SERINC5: variants seen among roughly 807,000 people sequenced by gnomAD.
The protein encoded by SERINC5 is chromosome 5 open reading frame 12.
SERINC5 carries 41 observed loss-of-function variants against 63.1 expected under a neutral mutation model. That is an observed-to-expected ratio of 0.65 (90% CI 0.51 to 0.84). The LOEUF (loss-of-function observed/expected upper bound fraction) is 0.84. Among genes scored for constraint, SERINC5 ranks in the 40% least tolerant of loss-of-function variants. The probability of loss-of-function intolerance (pLI) is 0.00; values close to 1 mark genes in which losing one functional copy is unlikely to be tolerated. For missense variants in SERINC5, 523 were observed against 573.0 expected (o/e 0.91, Z 0.89); for synonymous variants, 222 against 215.2 (o/e 1.03, Z -0.28).
chr5:80,201,302 G>T (rs374189731), intron 2 of SERINC5, among the ~76,000 whole-genome samples: 1 of 152,206 alleles, frequency 6.6e-6, no homozygotes, highest in Non-Finnish European at 1.5e-5. Context: ...TGGTCGGTTT[G>T]TAAGGGGAAA....
At chr5:80,206,432 C>T (rs777296572) in intron 1 of SERINC5, among the ~76,000 whole-genome samples, 5 of 152,176 alleles carry the variant, frequency 3.3e-5, no homozygotes, top group Non-Finnish European at 7.3e-5. Context: ...TCATTCTCTA[C>T]TGTTTCATCA....
rs574683641 is a variant in SERINC5 at position 80,249,182 on chromosome 5, A to G, written c.27+6714T>C. ...ACAAAAAAATTAGCCGGGCGTGGTG[A>G]TGGGTGCCTGTAGTCCCAGCTACTC... is the stretch of plus-strand genomic sequence containing the variant. On this transcript the variant is annotated intron_variant, in intron 1 of 11. Coordinates refer to ENST00000507668, the MANE Select transcript of SERINC5 (RefSeq NM_001174072.3). 3.9e-5 allele frequency among the ~76,000 whole-genome samples: 6 copies of G among 152,112 alleles called. No individual in the cohort carries two copies. In the South Asian group the frequency reaches 6.2e-4, roughly 16 times the overall value.
rs560790026 is a variant in SERINC5 at position 80,142,217 on chromosome 5, G to A, written c.*1446C>T. Reference sequence around the variant, plus strand: ...CTGAATACATCAACACTGAAAATAGGCATCATCTTGGGTAGCTGCCGAAAG... The same window carrying A: ...CTGAATACATCAACACTGAAAATAGACATCATCTTGGGTAGCTGCCGAAAG... On this transcript the variant is annotated 3_prime_UTR_variant, in exon 12 of 12. Transcript: ENST00000507668. 2 of 984,750 alleles carry A rather than the reference G, an allele frequency of 2.0e-6. No individual in the cohort carries two copies. Among genetic ancestry groups the A allele is most frequent in the South Asian group, 9.4e-5 (2 of 21,220 alleles). The allele number at this position is 984,750 out of a possible 1,614,324, so 61.0% of individuals were successfully genotyped here.
chr5:80,173,942 G>A (rs1434754926), intron 5 of SERINC5, among the ~76,000 whole-genome samples: 1 of 151,914 alleles, frequency 6.6e-6, no homozygotes, highest in East Asian at 1.9e-4. Context: ...ATAGAGAATT[G>A]ACACTGTAAA....
chr5:80,230,552 A>G (rs1561443316), intron 1 of SERINC5, among the ~76,000 whole-genome samples: 1 of 106,888 alleles, frequency 9.4e-6, no homozygotes, highest in Non-Finnish European at 2.3e-5. Context: ...TGTAAAACAA[A>G]TAATAATGCA....
At chr5:80,160,468 A>G (rs1746809680) in intron 7 of SERINC5, among the ~76,000 whole-genome samples, 1 of 152,222 alleles carries the variant, frequency 6.6e-6, no homozygotes, top group Non-Finnish European at 1.5e-5. Flanking sequence ...ACAAACGTGC[A>G]TATTTCAAGT....
rs2112278381 is a variant in SERINC5 at position 80,139,578 on chromosome 5, G to C, written c.*4085C>G. ...TCAAAATGACTGCCTCTGTGAAAGA[G>C]TTGTTGAGAAAGAAGAAAAGAGAGA... On this transcript the variant is annotated 3_prime_UTR_variant, in exon 12 of 12. Transcript: ENST00000507668. The C allele has an allele frequency of 1.1e-6, 1 of 911,902 alleles. No individual in the cohort carries two copies. The highest frequency in any genetic ancestry group is 1.3e-6 in the Non-Finnish European group (1 of 770,642). The allele number at this position is 911,902 out of a possible 1,614,324, so 56.5% of individuals were successfully genotyped here. A position where few individuals can be genotyped will look rare whatever the true frequency, so the allele number is the denominator to read the frequency against.
At chr5:80,224,151 A>AG (rs1446629538) in intron 1 of SERINC5, among the ~76,000 whole-genome samples, 13 of 143,986 alleles carry the variant, frequency 9.0e-5, no homozygotes, top group African/African-American at 3.3e-4. Context: ...AAAAAAAAAG[A>AG]AAAAAGAAAA....
At chr5:80,238,782 T>TCA (rs1277113537) in intron 1 of SERINC5, among the ~76,000 whole-genome samples, 4 of 112,320 alleles carry the variant, frequency 3.6e-5, no homozygotes, top group African/African-American at 1.5e-4. Flanking sequence ...GAGCAAGACT[T>TCA]CATCTCAAAA....
At chr5:80,200,450 C>A (rs867453663) in intron 2 of SERINC5, among the ~76,000 whole-genome samples, 2 of 150,966 alleles carry the variant, frequency 1.3e-5, no homozygotes, top group Admixed American at 1.3e-4. Context: ...CGCACCACTG[C>A]GCTCCAGCCT....
chr5:80,141,796 T>TA lies in SERINC5; in HGVS notation c.*1866dup. On this transcript the variant is annotated 3_prime_UTR_variant, in exon 12 of 12. Transcript: ENST00000507668. Reference sequence around the variant, plus strand: ...ACTGCTGAGTACAGAGCTCCTGCCCTAAAAAAGGAAATTTAATGGAATTTA... The same window carrying TA: ...ACTGCTGAGTACAGAGCTCCTGCCCTAAAAAAAGGAAATTTAATGGAATTTA... 5.1e-6 allele frequency: 5 copies of TA among 985,386 alleles called. No individual in the cohort carries two copies. Among genetic ancestry groups the TA allele is most frequent in the Non-Finnish European group, 6.0e-6 (5 of 829,928 alleles). 61.0% of individuals were successfully genotyped at this position (985,386 alleles called of 1,614,324 possible).
intron 2 of SERINC5, among the ~76,000 whole-genome samples, chr5:80,186,847 T>TAAA (rs1748840521): frequency 3.3e-5 from 5 of 152,120 alleles, no homozygotes. Context: ...GTAATCGTGT[T>TAAA]ACTTGAGATT....
At chr5:80,159,436 G>T (rs1011899467) in intron 7 of SERINC5, among the ~76,000 whole-genome samples, 6 of 147,510 alleles carry the variant, frequency 4.1e-5, no homozygotes, top group African/African-American at 9.9e-5. Flanking sequence ...CCTGAGGTGT[G>T]TTTTTTTTTT....
intron 2 of SERINC5, among the ~76,000 whole-genome samples, chr5:80,179,121 A>C (rs1198498906): frequency 6.6e-6 from 1 of 152,022 alleles, no homozygotes; most frequent in Non-Finnish European, 1.5e-5. Context: ...CCAACATGTG[A>C]AACCCTGTCT....
intron 1 of SERINC5, among the ~76,000 whole-genome samples, chr5:80,232,521 C>T (rs1751495247): frequency 6.6e-6 from 1 of 151,936 alleles, no homozygotes; most frequent in African/African-American, 2.4e-5. Context: ...CACAGTGGCT[C>T]ACGCCTGTAA....
At chr5:80,244,171 C>G in intron 1 of SERINC5, among the ~76,000 whole-genome samples, 1 of 151,874 alleles carries the variant, frequency 6.6e-6, no homozygotes, top group East Asian at 1.9e-4. Flanking sequence ...CCCAGCATTT[C>G]TCTACCTTCT....
intron 2 of SERINC5, among the ~76,000 whole-genome samples, chr5:80,199,548 T>A (rs1343355200): frequency 6.6e-6 from 1 of 152,190 alleles, no homozygotes; most frequent in Non-Finnish European, 1.5e-5. Context: ...TCAGAAAGCA[T>A]AAATACTGAC....
Position 80,173,698 on chromosome 5 carries a change from T to C in SERINC5, c.551+1256A>G, listed in dbSNP as rs576786056. ...ACCCACCTCCACCCAGAGCTGGCTT[T>C]GGAACATAGGAGGATCCAGCTCCTT... On this transcript the variant is annotated intron_variant, in intron 5 of 11. Transcript: ENST00000507668. Among the ~76,000 whole-genome samples the C allele has an allele frequency of 2.0e-5, 3 of 152,228 alleles. No individual in the cohort carries two copies. In the South Asian group the frequency reaches 6.2e-4, roughly 32 times the overall value.
At chr5:80,208,937 C>T (rs1750303767) in intron 1 of SERINC5, among the ~76,000 whole-genome samples, 1 of 152,182 alleles carries the variant, frequency 6.6e-6, no homozygotes, top group African/African-American at 2.4e-5. Flanking sequence ...CCTAGTACCT[C>T]AGAAAGTGAC....
Sources: allele counts gnomAD v4.1 joint callset (sites outside exome capture counted in the v4.1 genomes callset), GRCh38; gene constraint gnomAD v4.1.1; transcripts MANE v1.5; gene names NCBI Gene and HGNC (gene_info 2026-07-23, HGNC 2026-07-21).